Variants in CTTNBP2NL observed in about 807,000 individuals in gnomAD.
CTTNBP2NL encodes CTTNBP2 N-terminal like, also known as CTTNBP2 N-terminal-like protein.
CTTNBP2NL carries 16 observed loss-of-function variants against 32.5 expected under a neutral mutation model. The ratio of observed to expected loss-of-function variants is 0.49; its 90% CI spans 0.33 to 0.75. The LOEUF (loss-of-function observed/expected upper bound fraction) is 0.75, where lower values mean the gene tolerates loss of function less well. Ranked by LOEUF, CTTNBP2NL falls within the 30% of genes least tolerant of loss-of-function variation. The pLI is 0.02. For missense variants in CTTNBP2NL, 645 were observed against 756.0 expected, an observed-to-expected ratio of 0.85 and a Z score of 1.72; for synonymous variants, 298 against 289.4, an observed-to-expected ratio of 1.03 and a Z score of -0.30.
chr1:112,438,251 A>T (rs1649797202), intron 3 of CTTNBP2NL, among the ~76,000 whole-genome samples: 1 of 151,942 alleles, frequency 6.6e-6, no homozygotes, highest in Non-Finnish European at 1.5e-5. Flanking sequence ...CATTGTAGAG[A>T]TCTTTCACCT....
chr1:112,456,799 G>A lies in CTTNBP2NL; in HGVS notation c.1307G>A (p.Arg436His), dbSNP rs1000121557. 14 of 1,613,926 alleles carry A rather than the reference G, an allele frequency of 8.7e-6. No homozygotes were observed. Among genetic ancestry groups the A allele is most frequent in the East Asian group, 2.2e-5 (1 of 44,876 alleles). Residue 436 changes from arginine to histidine, a missense_variant, in exon 6 of 6, where the codon CGT becomes CAT. Transcript: ENST00000271277. Reference sequence around the variant, plus strand: ...TGCTCTTCGCCGGTACTCACTAAGCGTTTATTGGGGTCATCAGCTAGCAGC... The same window carrying A: ...TGCTCTTCGCCGGTACTCACTAAGCATTTATTGGGGTCATCAGCTAGCAGC... ...SPCSSPVLTK[R>H]LLGSSASSPG... is the part of the protein sequence containing the mutation.
rs565914453 is a variant in CTTNBP2NL at position 112,396,228 on chromosome 1, G to A, written c.-178G>A. 1 of 152,554 alleles carries A rather than the reference G, an allele frequency of 6.6e-6. No individual in the cohort carries two copies. The allele number at this position is 152,554 out of a possible 1,614,324, so 9.5% of individuals were successfully genotyped here. ...GGCGGAGCCTCAGCCGCTGTGGATG[G>A]GGAGTGGAGGCGGAGGGGAGCGGAG... On this transcript the variant is annotated 5_prime_UTR_variant, in exon 1 of 6. Coordinates refer to ENST00000271277, the MANE Select transcript of CTTNBP2NL (RefSeq NM_018704.3).
At chr1:112,441,347 T>C (rs970686887) in intron 3 of CTTNBP2NL, among the ~76,000 whole-genome samples, 3 of 152,232 alleles carry the variant, frequency 2.0e-5, no homozygotes, top group African/African-American at 7.2e-5. Flanking sequence ...CAGTATGATG[T>C]TCAGGTTCAT....
intron 3 of CTTNBP2NL, among the ~76,000 whole-genome samples, chr1:112,423,527 C>T (rs933231344): frequency 6.6e-6 from 1 of 151,738 alleles, no homozygotes; most frequent in Admixed American, 6.6e-5. Context: ...AATAAAAACC[C>T]AGCCATAATC....
chr1:112,423,796 T>C (rs543331196), intron 3 of CTTNBP2NL, among the ~76,000 whole-genome samples: 1 of 152,358 alleles, frequency 6.6e-6, no homozygotes, highest in South Asian at 2.1e-4. Context: ...CGATCTCGGC[T>C]CACTGCAACC....
chr1:112,397,099 T>C (rs1007949666), intron 1 of CTTNBP2NL, among the ~76,000 whole-genome samples: 3 of 152,182 alleles, frequency 2.0e-5, no homozygotes, highest in African/African-American at 7.2e-5. Context: ...TATTTCACAG[T>C]GAGGTGGGTG....
chr1:112,441,465 T>G (rs997494496), intron 3 of CTTNBP2NL, among the ~76,000 whole-genome samples: 2 of 152,244 alleles, frequency 1.3e-5, no homozygotes, highest in African/African-American at 4.8e-5. Flanking sequence ...GATATCTGAT[T>G]ATTTCTAGTT....
At chr1:112,410,470 TA>T (rs1223388883) in intron 1 of CTTNBP2NL, among the ~76,000 whole-genome samples, 1 of 152,116 alleles carries the variant, frequency 6.6e-6, no homozygotes, top group Non-Finnish European at 1.5e-5. Flanking sequence ...TTTTTAAAAA[TA>T]AATATCTTTA....
At chr1:112,449,726 G>A (rs946577070) in intron 4 of CTTNBP2NL, among the ~76,000 whole-genome samples, 65 of 74,066 alleles carry the variant, frequency 8.8e-4, no homozygotes, top group African/African-American at 3.2e-3. Flanking sequence ...TATTAGTGAG[G>A]GGTGTGTGTG....
chr1:112,404,588 A>G (rs1193225057), intron 1 of CTTNBP2NL, among the ~76,000 whole-genome samples: 2 of 152,176 alleles, frequency 1.3e-5, no homozygotes, highest in Non-Finnish European at 2.9e-5. Context: ...ATCAATCTAC[A>G]TGTTATTGTT....
intron 1 of CTTNBP2NL, among the ~76,000 whole-genome samples, chr1:112,403,997 G>C (rs186672275): frequency 6.6e-6 from 1 of 152,262 alleles, no homozygotes; most frequent in East Asian, 1.9e-4. Flanking sequence ...GATGAGAAAT[G>C]AGAAGCTGAC....
At chr1:112,401,258 G>C (rs187196839) in intron 1 of CTTNBP2NL, among the ~76,000 whole-genome samples, 1 of 152,190 alleles carries the variant, frequency 6.6e-6, no homozygotes, top group East Asian at 1.9e-4. Context: ...GTTTGCATAT[G>C]TCATGATCTC....
At chr1:112,414,108 G>A (rs894951083) in intron 2 of CTTNBP2NL, among the ~76,000 whole-genome samples, 6 of 150,902 alleles carry the variant, frequency 4.0e-5, no homozygotes, top group African/African-American at 1.5e-4. Context: ...GCTCACACCT[G>A]TAATCCTAGC....
At chr1:112,436,972 T>A (rs1160549482) in intron 3 of CTTNBP2NL, among the ~76,000 whole-genome samples, 1 of 152,196 alleles carries the variant, frequency 6.6e-6, no homozygotes, top group African/African-American at 2.4e-5. Context: ...AAGGACATGA[T>A]CTCATTCTTT....
intron 1 of CTTNBP2NL, among the ~76,000 whole-genome samples, chr1:112,406,578 G>GTGAA (rs1263144477): frequency 6.6e-6 from 1 of 152,304 alleles, no homozygotes; most frequent in East Asian, 1.9e-4. Context: ...TAAGGTTGTT[G>GTGAA]TGAAGACTGA....
intron 1 of CTTNBP2NL, among the ~76,000 whole-genome samples, chr1:112,397,952 A>G (rs752103599): frequency 6.6e-6 from 1 of 152,244 alleles, no homozygotes; most frequent in African/African-American, 2.4e-5. Context: ...CGGTGCTCAC[A>G]GGTCTTCTCA....
intron 3 of CTTNBP2NL, among the ~76,000 whole-genome samples, chr1:112,431,863 G>A (rs1241256766): frequency 1.3e-5 from 2 of 151,952 alleles, no homozygotes; most frequent in East Asian, 3.9e-4. Flanking sequence ...GGAAATGGAG[G>A]CTGGGCACAC....
chr1:112,398,458 C>A (rs2488761), intron 1 of CTTNBP2NL, among the ~76,000 whole-genome samples: 71,011 of 151,894 alleles, frequency 0.47, 18,373 homozygotes, highest in African/African-American at 0.7. Flanking sequence ...AGTATGACTT[C>A]ATGAGTGTTT....
chr1:112,454,599 A>G (rs1209851144), intron 5 of CTTNBP2NL, 43 bp downstream of exon 5: 1 of 1,356,474 alleles, frequency 7.4e-7, no homozygotes, highest in Non-Finnish European at 1.1e-6. Flanking sequence ...TGCCTGGAAC[A>G]GCATTTCCCA....
Sources: gnomAD v4.1 joint callset for allele counts (sites outside exome capture counted in the v4.1 genomes callset) on GRCh38, gnomAD v4.1.1 for gene constraint, MANE v1.5 for transcripts, NCBI Gene and HGNC (gene_info 2026-07-23, HGNC 2026-07-21) for gene names.